Variants in CNTN4 observed in about 807,000 individuals in gnomAD.
CNTN4 encodes the protein contactin 4, also known as contactin-4.
In CNTN4, 77 loss-of-function variants were observed where a neutral mutation model predicts 122.5. That is an observed-to-expected ratio of 0.63 (90% CI 0.52 to 0.76). The LOEUF (loss-of-function observed/expected upper bound fraction) is 0.76. CNTN4 is among the 30% of genes least tolerant of loss of function. The pLI is 0.00. For synonymous variants in CNTN4, 512 were observed against 447.0 expected, an observed-to-expected ratio of 1.15 and a Z score of -1.83; for missense variants, 1,256 against 1,259.1, an observed-to-expected ratio of 1.00 and a Z score of 0.04.
At position 2,337,357 on chromosome 3, in the gene CNTN4, G is replaced by T. The variant is rs185900793; in HGVS notation, c.-144-1821G>T. On this transcript the variant is annotated intron_variant, in intron 2 of 24. Transcript: ENST00000418658. ...TCTTGTGGTGCTGATACTGCTTTTT[G>T]TGTGTACAGTCACCATGCATGAAAC... Among the ~76,000 whole-genome samples, 5 of 152,212 alleles carry T rather than the reference G, an allele frequency of 3.3e-5. No individual in the cohort carries two copies. In the East Asian group the frequency reaches 9.6e-4, roughly 29 times the overall value.
intron 4 of CNTN4, among the ~76,000 whole-genome samples, chr3:2,656,203 G>A (rs984617979): frequency 2.0e-5 from 3 of 152,124 alleles, no homozygotes; most frequent in Admixed American, 2.0e-4. Flanking sequence ...ATCTCATTTC[G>A]CTGCATGATA....
intron 2 of CNTN4, among the ~76,000 whole-genome samples, chr3:2,172,844 A>G (rs893455863): frequency 6.6e-6 from 1 of 152,182 alleles, no homozygotes; most frequent in African/African-American, 2.4e-5. Context: ...TGGAATTGGA[A>G]AAGAGACAAA....
At position 2,385,202 on chromosome 3, in the gene CNTN4, A is replaced by C. The variant is rs898520324; in HGVS notation, c.-89+45969A>C. On this transcript the variant is annotated intron_variant, in intron 3 of 24. Coordinates refer to ENST00000418658, the MANE Select transcript of CNTN4 (RefSeq NM_175607.3). The surrounding 1 kb of genome is among the most constrained non-coding windows in gnomAD (Gnocchi z 4.0). ...GGTTAATCCCAAACTCTTTTTAAAA[A>C]TAATCTGTCTACTACTCAACTTTCT... Among the ~76,000 whole-genome samples, 1 of 152,268 alleles carries C rather than the reference A, an allele frequency of 6.6e-6. No homozygotes were observed. Among genetic ancestry groups the C allele is most frequent in the South Asian group, 2.1e-4 (1 of 4,822 alleles).
chr3:2,628,644 T>C (rs904993811), intron 4 of CNTN4, among the ~76,000 whole-genome samples: 5 of 152,190 alleles, frequency 3.3e-5, no homozygotes, highest in Admixed American at 1.3e-4. Flanking sequence ...AACAAAGCTC[T>C]CTATTCTCTC....
At chr3:2,597,437 G>C (rs1460077068) in intron 4 of CNTN4, among the ~76,000 whole-genome samples, 3 of 152,120 alleles carry the variant, frequency 2.0e-5, no homozygotes, top group African/African-American at 7.2e-5. Context: ...CTCAATGAAG[G>C]AGCCTTAAGC....
chr3:2,567,515 A>G (rs1046800330), intron 3 of CNTN4, among the ~76,000 whole-genome samples: 10 of 152,186 alleles, frequency 6.6e-5, no homozygotes, highest in African/African-American at 1.9e-4. Flanking sequence ...TTTAACAAAG[A>G]TAGCTATGAC....
chr3:2,870,506 A>T (rs1165776297), intron 8 of CNTN4, among the ~76,000 whole-genome samples: 1 of 152,220 alleles, frequency 6.6e-6, no homozygotes, highest in Admixed American at 6.5e-5. Context: ...TTGCAAAATA[A>T]AGAGGACATT....
Position 2,218,428 on chromosome 3 carries a change from G to A in CNTN4, c.-145+117789G>A, listed in dbSNP as rs145022325. Among the ~76,000 whole-genome samples the A allele has an allele frequency of 1.9e-4, 29 of 152,308 alleles. No individual in the cohort carries two copies. The Middle Eastern group carries it at 0.01, about 54-fold the overall frequency. On this transcript the variant is annotated intron_variant, in intron 2 of 24. Coordinates refer to ENST00000418658, the MANE Select transcript of CNTN4 (RefSeq NM_175607.3). ...CCAGCTACTCGGGAGGCTGAAGGAA[G>A]AGGATCCCTCGAGCCTGGGAGTTCA... is the stretch of plus-strand genomic sequence containing the variant.
At chr3:3,018,767 T>C (rs1324430079) in intron 14 of CNTN4, among the ~76,000 whole-genome samples, 1 of 152,140 alleles carries the variant, frequency 6.6e-6, no homozygotes, top group Non-Finnish European at 1.5e-5. Flanking sequence ...AATGAGCACA[T>C]TGGGTCTCCA....
At chr3:2,587,827 TC>T (rs1295124771) in intron 4 of CNTN4, among the ~76,000 whole-genome samples, 2 of 152,140 alleles carry the variant, frequency 1.3e-5, no homozygotes, top group Admixed American at 6.5e-5. Flanking sequence ...TTTCTTTCTT[TC>T]TTTTTTTTCT....
intron 2 of CNTN4, among the ~76,000 whole-genome samples, chr3:2,122,254 T>C (rs919293704): frequency 1.3e-5 from 2 of 152,196 alleles, no homozygotes; most frequent in Non-Finnish European, 1.5e-5. Context: ...TTGCCTTTTG[T>C]CACTTTCTGC....
rs558325616 is a variant in CNTN4 at position 2,979,082 on chromosome 3, A to C, written c.1359-9263A>C. 5.3e-5 allele frequency among the ~76,000 whole-genome samples: 8 copies of C among 152,354 alleles called. No individual in the cohort carries two copies. In the East Asian group the frequency reaches 1.4e-3, roughly 26 times the overall value. On this transcript the variant is annotated intron_variant, in intron 13 of 24. Transcript: ENST00000418658. ...CAAAACGTGATAGCTCTGGTGGCTT[A>C]TCTACGAGGTGTTCGAGCTTGTGAC...
intron 2 of CNTN4, among the ~76,000 whole-genome samples, chr3:2,174,690 A>G: frequency 6.6e-6 from 1 of 152,158 alleles, no homozygotes; most frequent in East Asian, 1.9e-4. Flanking sequence ...GGAATATCTG[A>G]GACTGGGTAA....
chr3:2,481,772 C>G (rs563701685), intron 3 of CNTN4, among the ~76,000 whole-genome samples: 13 of 152,008 alleles, frequency 8.6e-5, no homozygotes, highest in Admixed American at 2.0e-4. Context: ...AGTGAGTTCT[C>G]AAAAGATCTG....
intron 3 of CNTN4, among the ~76,000 whole-genome samples, chr3:2,377,866 A>G (rs571940663): frequency 1.3e-5 from 2 of 152,278 alleles, no homozygotes. Context: ...GACCCAGGGA[A>G]GCCAAAAGAT....
At chr3:3,022,111 G>C (rs1484797308) in intron 14 of CNTN4, among the ~76,000 whole-genome samples, 1 of 151,570 alleles carries the variant, frequency 6.6e-6, no homozygotes, top group Non-Finnish European at 1.5e-5. Context: ...GGGCATGGTG[G>C]TGTGCACCTT....
chr3:2,198,320 G>A (rs542153798), intron 2 of CNTN4, among the ~76,000 whole-genome samples: 53 of 152,228 alleles, frequency 3.5e-4, no homozygotes, highest in African/African-American at 1.1e-3. Context: ...ATGATGAGTC[G>A]TTTTAATGTT....
chr3:2,946,849 G>A (rs1468213895), intron 13 of CNTN4, among the ~76,000 whole-genome samples: 1 of 151,764 alleles, frequency 6.6e-6, no homozygotes, highest in Non-Finnish European at 1.5e-5. Context: ...GGGACCACAA[G>A]TGCACACCAC....
At chr3:2,795,907 T>G (rs1056192506) in intron 6 of CNTN4, among the ~76,000 whole-genome samples, 1 of 152,138 alleles carries the variant, frequency 6.6e-6, no homozygotes, top group Non-Finnish European at 1.5e-5. Context: ...ATATATAACA[T>G]TTGATTGTGA....
Sources: allele counts gnomAD v4.1 joint callset (sites outside exome capture counted in the v4.1 genomes callset), GRCh38; gene constraint gnomAD v4.1.1; non-coding constraint Gnocchi (gnomAD v3.1); transcripts MANE v1.5; gene names NCBI Gene and HGNC (gene_info 2026-07-23, HGNC 2026-07-21).